Variants in LRRC9 observed in about 807,000 individuals in gnomAD.
LRRC9 encodes leucine-rich repeat-containing protein 9.
LRRC9 carries 122 observed loss-of-function variants against 63.2 expected under a neutral mutation model. The observed-to-expected ratio is 1.93, with a 90% CI of 1.67 to 2.24. The LOEUF is 2.24. Among genes scored for constraint, LRRC9 ranks in the 30% most tolerant of loss-of-function variants. The pLI is 0.00. For missense variants in LRRC9, 1,071 were observed against 627.7 expected, an observed-to-expected ratio of 1.71 and a Z score of -7.55; for synonymous variants, 366 against 213.1, an observed-to-expected ratio of 1.72 and a Z score of -6.25.
chr14:60,002,771 TA>T (rs1889493638), intron 20 of LRRC9, among the ~76,000 whole-genome samples: 1 of 152,046 alleles, frequency 6.6e-6, no homozygotes, highest in African/African-American at 2.4e-5. Context: ...CACTAAAACT[TA>T]AGGACAAATT....
At chr14:59,939,936 A>G (rs1005870992) in intron 7 of LRRC9, among the ~76,000 whole-genome samples, 5 of 152,040 alleles carry the variant, frequency 3.3e-5, no homozygotes, top group African/African-American at 1.2e-4. Context: ...TTGAAAGCAG[A>G]AAGTTGGTAC....
At chr14:60,039,054 G>A (rs1043757842) in intron 29 of LRRC9, among the ~76,000 whole-genome samples, 2 of 152,206 alleles carry the variant, frequency 1.3e-5, no homozygotes, top group African/African-American at 2.4e-5. Context: ...CTGTTTATAT[G>A]ATGGATTACA....
Position 59,952,320 on chromosome 14 carries a change from C to T in LRRC9, c.883-7498C>T, listed in dbSNP as rs1003762860. Among the ~76,000 whole-genome samples, 4 of 152,276 alleles carry T rather than the reference C, an allele frequency of 2.6e-5. No individual in the cohort carries two copies. The East Asian group carries it at 5.8e-4, about 22-fold the overall frequency. ...GGAAAGGGAACTCCCTGACCCCTTG[C>T]GCTTCCCAGGTGAGGCAATGCCTCG... On this transcript the variant is annotated intron_variant, in intron 8 of 31. Transcript: ENST00000445360.
chr14:59,937,806 G>A (rs1020844618), intron 6 of LRRC9, among the ~76,000 whole-genome samples: 1 of 152,122 alleles, frequency 6.6e-6, no homozygotes, highest in African/African-American at 2.4e-5. Flanking sequence ...CATAGGTTGT[G>A]AGAAAACTGA....
intron 1 of LRRC9, among the ~76,000 whole-genome samples, chr14:59,926,049 T>C (rs1359461912): frequency 6.6e-6 from 1 of 152,218 alleles, no homozygotes. Flanking sequence ...CCCCTTCTGC[T>C]GTAATTATAA....
At chr14:60,043,551 T>C (rs1893134631) in intron 29 of LRRC9, among the ~76,000 whole-genome samples, 3 of 152,166 alleles carry the variant, frequency 2.0e-5, no homozygotes, top group African/African-American at 7.2e-5. Context: ...AATAATCATA[T>C]GGTTTTTGTT....
chr14:59,985,467 C>G (rs1027716556), intron 17 of LRRC9, among the ~76,000 whole-genome samples: 1 of 152,188 alleles, frequency 6.6e-6, no homozygotes, highest in Non-Finnish European at 1.5e-5. Context: ...ACACCTTGAA[C>G]ATATTCAAAT....
intron 28 of LRRC9, among the ~76,000 whole-genome samples, chr14:60,029,647 C>T: frequency 6.6e-6 from 1 of 152,190 alleles, no homozygotes; most frequent in African/African-American, 2.4e-5. Flanking sequence ...TGCCCCACCT[C>T]TCTACTCCTC....
chr14:59,933,717 T>C (rs1240006292), intron 6 of LRRC9, among the ~76,000 whole-genome samples: 3 of 152,128 alleles, frequency 2.0e-5, no homozygotes, highest in African/African-American at 7.2e-5. Flanking sequence ...TGATAAGAAC[T>C]TTGAAGTGTC....
chr14:60,041,937 G>A (rs1330909951), intron 29 of LRRC9, among the ~76,000 whole-genome samples: 3 of 152,108 alleles, frequency 2.0e-5, no homozygotes, highest in Non-Finnish European at 4.4e-5. Flanking sequence ...TGGTATGGAT[G>A]TCCTTTCTGT....
In LRRC9 at chr14:59,964,457, C is replaced by T. The variant is rs1284798856; in HGVS notation, c.1212-2132C>T. Among the ~76,000 whole-genome samples the T allele has an allele frequency of 6.6e-6, 1 of 152,138 alleles. No homozygotes were observed. The highest frequency in any genetic ancestry group is 1.5e-5 in the Non-Finnish European group (1 of 68,034). ...ATTGCTCAGCTGCTGAATTCCTGGGCAACATAAAATCTCCATGAAAAAATC... is the reference window on the plus strand; with the variant it reads ...ATTGCTCAGCTGCTGAATTCCTGGGTAACATAAAATCTCCATGAAAAAATC... On this transcript the variant is annotated intron_variant, in intron 10 of 31. Transcript: ENST00000445360. The surrounding 1 kb of genome is among the most constrained non-coding windows in gnomAD (Gnocchi z 4.4).
chr14:60,058,601 G>A lies in LRRC9; in HGVS notation c.4276+579G>A, dbSNP rs747806308. On this transcript the variant is annotated intron_variant, in intron 31 of 31. Transcript: ENST00000445360. The surrounding 1 kb of genome is among the most constrained non-coding windows in gnomAD (Gnocchi z 4.4). ...TTCTGCTATATAAATTTTAGTTCAA[G>A]TTTAGAATAAGCCTGTTCCCTAATT... Among the ~76,000 whole-genome samples, 4 of 152,124 alleles carry A rather than the reference G, an allele frequency of 2.6e-5. No individual in the cohort carries two copies. The highest frequency in any genetic ancestry group is 5.9e-5 in the Non-Finnish European group (4 of 68,000).
chr14:59,961,062 T>C lies in LRRC9; in HGVS notation c.1211+17T>C. On this transcript the variant is annotated intron_variant, in intron 10 of 31. Transcript: ENST00000445360. ...TGATGACTGGTAAATCTGTTAGAAATTTAGTATAGCTTTAAAAATAACTTA... is the reference window on the plus strand; with the variant it reads ...TGATGACTGGTAAATCTGTTAGAAACTTAGTATAGCTTTAAAAATAACTTA... The C allele has an allele frequency of 1.6e-6, 1 of 623,000 alleles. No homozygotes were observed. The highest frequency in any genetic ancestry group is 2.9e-6 in the Non-Finnish European group (1 of 346,134). The allele number at this position is 623,000 out of a possible 1,614,324, so 38.6% of individuals were successfully genotyped here.
chr14:59,956,149 A>G (rs1419215724), intron 8 of LRRC9, among the ~76,000 whole-genome samples: 3 of 152,084 alleles, frequency 2.0e-5, no homozygotes, highest in Non-Finnish European at 2.9e-5. Context: ...AATGCCTATT[A>G]TGTCTGCTTG....
rs1390187253 is a variant in LRRC9, at chr14:59,958,096, G to A, written c.883-1722G>A. Among the ~76,000 whole-genome samples the A allele has an allele frequency of 6.6e-6, 1 of 152,354 alleles. No individual in the cohort carries two copies. Among genetic ancestry groups the A allele is most frequent in the East Asian group, 1.9e-4 (1 of 5,180 alleles). On this transcript the variant is annotated intron_variant, in intron 8 of 31. Coordinates refer to ENST00000445360, the Ensembl canonical transcript of LRRC9. The surrounding 1 kb of genome is among the most constrained non-coding windows in gnomAD (Gnocchi z 4.0). Reference sequence around the variant, plus strand: ...TTGGGGTATGTCTCCCAGTCAGGAGGCACGGGGGTCAGGAACCCACTTGAG... The same window carrying A: ...TTGGGGTATGTCTCCCAGTCAGGAGACACGGGGGTCAGGAACCCACTTGAG...
chr14:60,018,182 T>C (rs1328720783), intron 24 of LRRC9, among the ~76,000 whole-genome samples, 189 bp from the exon 25 acceptor site: 3 of 152,022 alleles, frequency 2.0e-5, no homozygotes, highest in Admixed American at 2.0e-4. Flanking sequence ...TTCTTGCATA[T>C]GTACCCAACA....
At chr14:60,022,842 A>G in exon 27 of LRRC9, 2 of 678,724 alleles carry the variant, frequency 2.9e-6, no homozygotes, top group Non-Finnish European at 5.4e-6. Flanking sequence ...TTAACAGACT[A>G]AGAAATTTAA....
At chr14:59,978,876 T>C (rs1886604561) in intron 15 of LRRC9, among the ~76,000 whole-genome samples, 1 of 152,184 alleles carries the variant, frequency 6.6e-6, no homozygotes, top group Admixed American at 6.5e-5. Context: ...ACTTGACTGT[T>C]TTACAAATTT....
rs372533694 is a variant in LRRC9, at chr14:60,011,134, G to A, written c.3186+2920G>A. On this transcript the variant is annotated intron_variant, in intron 23 of 31. Transcript: ENST00000445360. ...TACATGAGACTGTGTAATTTATAAA[G>A]GAAAGAAGTTTAATGGACTCACAGT... Among the ~76,000 whole-genome samples, 6 of 152,288 alleles carry A rather than the reference G, an allele frequency of 3.9e-5. No individual in the cohort carries two copies. The East Asian group carries it at 7.7e-4, about 20-fold the overall frequency.
Sources: gnomAD v4.1 joint callset for allele counts (sites outside exome capture counted in the v4.1 genomes callset) on GRCh38, gnomAD v4.1.1 for gene constraint, Gnocchi (gnomAD v3.1) non-coding constraint, MANE v1.5 for transcripts, NCBI Gene and HGNC (gene_info 2026-07-23, HGNC 2026-07-21) for gene names.